Variants in HERC1 observed in about 807,000 individuals in gnomAD.
The protein encoded by HERC1 is probable E3 ubiquitin-protein ligase HERC1.
HERC1 carries 160 observed loss-of-function variants against 554.3 expected under a neutral mutation model. The ratio of observed to expected loss-of-function variants is 0.29; its 90% CI spans 0.25 to 0.33. The LOEUF (loss-of-function observed/expected upper bound fraction) is 0.33. Among genes scored for constraint, HERC1 ranks in the 10% least tolerant of loss-of-function variants. HERC1 has a pLI of 1.00. For synonymous variants in HERC1, 2,175 were observed against 2,131.7 expected, an observed-to-expected ratio of 1.02 and a Z score of -0.56; for missense variants, 4,919 against 5,918.5, an observed-to-expected ratio of 0.83 and a Z score of 5.54.
At chr15:63,827,534 T>C (rs995554606) in intron 1 of HERC1, among the ~76,000 whole-genome samples, 3 of 151,678 alleles carry the variant, frequency 2.0e-5, no homozygotes, top group African/African-American at 7.3e-5. Flanking sequence ...CAAAAGAGTA[T>C]AGTATACTCT....
intron 40 of HERC1, among the ~76,000 whole-genome samples, chr15:63,667,456 A>C (rs1034626830): frequency 4.6e-5 from 7 of 152,244 alleles, no homozygotes; most frequent in African/African-American, 1.7e-4. Context: ...TGAAAACTAT[A>C]GTGTCTGAAT....
In HERC1 at chr15:63,775,733, ATGATTTCAAACTGG is replaced by A. The variant is rs2076092781; in HGVS notation, c.-26-98_-26-85del. ...AAAATTTCATCTTACATTACAATTA[ATGATTTCAAACTGG>A]TGAAATGCAGCCGGGTGCGGTGGCT... is the stretch of plus-strand genomic sequence containing the variant. On this transcript the variant is annotated intron_variant, in intron 1 of 77. Transcript: ENST00000443617. The surrounding 1 kb of genome is among the most constrained non-coding windows in gnomAD (Gnocchi z 4.0). 8 of 967,370 alleles carry A rather than the reference ATGATTTCAAACTGG, an allele frequency of 8.3e-6. No individual in the cohort carries two copies. The highest frequency in any genetic ancestry group is 8.2e-5 in the South Asian group (5 of 60,998). The allele number at this position is 967,370 out of a possible 1,614,324, so 59.9% of individuals were successfully genotyped here.
intron 24 of HERC1, among the ~76,000 whole-genome samples, chr15:63,710,024 A>T: frequency 6.6e-6 from 1 of 152,234 alleles, no homozygotes; most frequent in Admixed American, 6.5e-5. Flanking sequence ...CAAAGGCTCA[A>T]GAGGTATGCT....
At chr15:63,752,927 TAA>T (rs2075301379) in intron 8 of HERC1, 29 bp downstream of exon 8, 1 of 1,597,134 alleles carries the variant, frequency 6.3e-7, no homozygotes, top group Middle Eastern at 1.7e-4. Context: ...TGAAATACTC[TAA>T]GTCTTTTATA....
intron 48 of HERC1, among the ~76,000 whole-genome samples, chr15:63,656,640 A>C (rs963081537): frequency 3.9e-5 from 6 of 152,220 alleles, no homozygotes; most frequent in African/African-American, 1.4e-4. Flanking sequence ...TAAGCTGAAC[A>C]AACCCATGTC....
At chr15:63,783,849 C>T (rs1422303852) in intron 1 of HERC1, among the ~76,000 whole-genome samples, 22 of 152,146 alleles carry the variant, frequency 1.4e-4, no homozygotes, top group Non-Finnish European at 8.8e-5. Context: ...GGGCAGATCT[C>T]GAGGTCAGGA....
At chr15:63,831,827 T>A (rs1245919289) in intron 1 of HERC1, among the ~76,000 whole-genome samples, 1 of 152,216 alleles carries the variant, frequency 6.6e-6, no homozygotes, top group Non-Finnish European at 1.5e-5. Flanking sequence ...GATGTTTATA[T>A]TAATAAGCAG....
rs2075359877 is a variant in HERC1, at chr15:63,754,620, A to G, written c.1659T>C (p.Ile553=). Residue 553 remains isoleucine (I), a synonymous_variant, in exon 7 of 78, where the codon ATT becomes ATC. Transcript: ENST00000443617. ...TGCTGATGTCTTTTACTAATGTTGG[A>G]ATGTTACGACTATTGCTGTCACCAT... ...LGHGDSNSRN[I]PTLVKDISNV... 6.2e-7 allele frequency: 1 copy of G among 1,613,464 alleles called. No individual in the cohort carries two copies. The highest frequency in any genetic ancestry group is 8.5e-7 in the Non-Finnish European group (1 of 1,179,690).
chr15:63,648,068 C>T lies in HERC1; in HGVS notation c.10878+1G>A. 1 of 1,553,178 alleles carries T rather than the reference C, an allele frequency of 6.4e-7. No homozygotes were observed. The highest frequency in any genetic ancestry group is 8.7e-7 in the Non-Finnish European group (1 of 1,147,054). On this transcript the variant is annotated splice_donor_variant, in intron 55 of 77. Coordinates refer to ENST00000443617, the MANE Select transcript of HERC1 (RefSeq NM_003922.4). LOFTEE classifies it high-confidence loss of function. ...ATTACGTTTTTTAAAGATGCATTTA[C>T]CTTATGTGCATCAATTAGAACAATG...
At position 63,694,994 on chromosome 15, in the gene HERC1, T is replaced by C. The variant is rs1214479246; in HGVS notation, c.5122-100A>G. 2 of 1,075,012 alleles carry C rather than the reference T, an allele frequency of 1.9e-6. No homozygotes were observed. The highest frequency in any genetic ancestry group is 5.6e-5 in the East Asian group (2 of 35,478). 66.6% of individuals were successfully genotyped at this position (1,075,012 alleles called of 1,614,324 possible). On this transcript the variant is annotated intron_variant, in intron 27 of 77. Transcript: ENST00000443617. The surrounding 1 kb of genome is among the most constrained non-coding windows in gnomAD (Gnocchi z 4.3). The stretch of plus-strand genomic sequence containing the variant: ...TTATTTCTAGTCTATGCTAGAGCCT[T>C]ACGATGGTTTTTAATTATTTACTAT...
Position 63,643,044 on chromosome 15 carries a change from C to A in HERC1, c.11346G>T (p.Leu3782Phe). ...CTCCAGAGCCTATCACAACAGTTTG[C>A]AAGACAGAGCCATCCTAAAATGAGA... Reference protein sequence around the residue: ...NIWSLRDGSVLQTVVIGSGAI... With the variant: ...NIWSLRDGSVFQTVVIGSGAI... The change falls in exon 59 of 78, where the codon TTG becomes TTT. Residue 3782 changes from leucine to phenylalanine, a missense_variant. Leu to Phe is a conservative substitution (Grantham distance 22). Coordinates refer to ENST00000443617, the MANE Select transcript of HERC1 (RefSeq NM_003922.4). 1 of 1,608,646 alleles carries A rather than the reference C, an allele frequency of 6.2e-7. No individual in the cohort carries two copies. Among genetic ancestry groups the A allele is most frequent in the Non-Finnish European group, 8.5e-7 (1 of 1,175,688 alleles).
chr15:63,718,928 A>G lies in HERC1; in HGVS notation c.3743-31T>C. 1 of 1,479,734 alleles carries G rather than the reference A, an allele frequency of 6.8e-7. No homozygotes were observed. Among genetic ancestry groups the G allele is most frequent in the Non-Finnish European group, 9.3e-7 (1 of 1,069,818 alleles). The allele number at this position is 1,479,734 out of a possible 1,614,324, so 91.7% of individuals were successfully genotyped here. A position where few individuals can be genotyped will look rare whatever the true frequency, so the allele number is the denominator to read the frequency against. ...AATAAAAATGATGCATTGACATTTA[A>G]AAGGGCTCAGAAAACAGTTCAGAGG... On this transcript the variant is annotated intron_variant, in intron 19 of 77. Transcript: ENST00000443617. This position sits in a 1 kb window ranked among gnomAD's most constrained non-coding sequence, Gnocchi z 4.2.
intron 1 of HERC1, among the ~76,000 whole-genome samples, chr15:63,820,946 A>T (rs1349929863): frequency 6.6e-6 from 1 of 152,238 alleles, no homozygotes; most frequent in Non-Finnish European, 1.5e-5. Flanking sequence ...AACACTTGCA[A>T]CCAGAACAAG....
chr15:63,795,469 C>A (rs1003495319), intron 1 of HERC1, among the ~76,000 whole-genome samples: 1 of 151,984 alleles, frequency 6.6e-6, no homozygotes, highest in Admixed American at 6.6e-5. Flanking sequence ...AGAAAATTAA[C>A]ATTTAATTGG....
chr15:63,726,228 G>A (rs533039923), intron 17 of HERC1, among the ~76,000 whole-genome samples: 16 of 152,090 alleles, frequency 1.1e-4, no homozygotes, highest in South Asian at 8.3e-4. Context: ...GTGATCCGGC[G>A]GCCTCAGCCT....
intron 74 of HERC1, among the ~76,000 whole-genome samples, chr15:63,618,278 G>A (rs562296903): frequency 1.3e-4 from 20 of 151,930 alleles, no homozygotes; most frequent in South Asian, 8.3e-4. Context: ...TTCCCCATTT[G>A]TTTCTGTCAG....
chr15:63,667,834 C>A (rs866986988), intron 40 of HERC1, among the ~76,000 whole-genome samples: 35 of 152,214 alleles, frequency 2.3e-4, no homozygotes, highest in African/African-American at 7.2e-4. Flanking sequence ...GGATTTTCTT[C>A]TGCCTCTGCC....
chr15:63,712,560 T>C (rs1381001138), intron 24 of HERC1, among the ~76,000 whole-genome samples: 1 of 152,208 alleles, frequency 6.6e-6, no homozygotes, highest in Non-Finnish European at 1.5e-5. Context: ...GTCAGATATA[T>C]GAATTTAGAG....
intron 1 of HERC1, among the ~76,000 whole-genome samples, chr15:63,803,392 T>A (rs1476629534): frequency 6.6e-6 from 1 of 151,978 alleles, no homozygotes; most frequent in Non-Finnish European, 1.5e-5. Context: ...CTGCTTCTTA[T>A]CAACATCGTG....
Sources: allele counts gnomAD v4.1 joint callset (sites outside exome capture counted in the v4.1 genomes callset), GRCh38; gene constraint gnomAD v4.1.1; non-coding constraint Gnocchi (gnomAD v3.1); transcripts MANE v1.5; gene names NCBI Gene and HGNC (gene_info 2026-07-23, HGNC 2026-07-21).